The following USP45 variants were observed in gnomAD, a reference collection of about 807,000 sequenced individuals.
The protein encoded by USP45 is ubiquitin carboxyl-terminal hydrolase 45.
In USP45, 89 loss-of-function variants were observed where a neutral mutation model predicts 95.8. The ratio of observed to expected loss-of-function variants is 0.93; its 90% CI spans 0.78 to 1.11. The LOEUF (loss-of-function observed/expected upper bound fraction) is 1.11, where lower values mean the gene tolerates loss of function less well. Among genes scored for constraint, USP45 ranks in the 50% least tolerant of loss-of-function variants. The probability of loss-of-function intolerance (pLI) is 0.00; values close to 1 mark genes in which losing one functional copy is unlikely to be tolerated. For synonymous variants in USP45, 281 were observed against 316.2 expected (o/e 0.89, Z 1.18); for missense variants, 898 against 942.5 (o/e 0.95, Z 0.62).
intron 13 of USP45, among the ~76,000 whole-genome samples, chr6:99,452,218 G>T (rs1478387843): frequency 6.6e-6 from 1 of 152,146 alleles, no homozygotes; most frequent in Non-Finnish European, 1.5e-5. Flanking sequence ...CACATGAAAA[G>T]AAACTACCAT....
In USP45 at chr6:99,510,243, A is replaced by C; in HGVS notation, c.-10-13T>G. 6.3e-7 allele frequency: 1 copy of C among 1,581,714 alleles called. No homozygotes were observed. Among genetic ancestry groups the C allele is most frequent in the Non-Finnish European group, 8.6e-7 (1 of 1,160,828 alleles). ...CATCTGTTATTTACTGAAGGGATTGAGGGAAAAAAATTCATACATTTTAGT... is the reference window on the plus strand; with the variant it reads ...CATCTGTTATTTACTGAAGGGATTGCGGGAAAAAAATTCATACATTTTAGT... On this transcript the variant is annotated splice_polypyrimidine_tract_variant and intron_variant, in intron 1 of 17. Coordinates refer to ENST00000500704, the MANE Select transcript of USP45 (RefSeq NM_001346022.3).
At chr6:99,502,290 A>C (rs138308525) in intron 5 of USP45, among the ~76,000 whole-genome samples, 1 of 152,316 alleles carries the variant, frequency 6.6e-6, no homozygotes, top group Non-Finnish European at 1.5e-5. Context: ...TGCCCTATGC[A>C]TCTCTTCCTT....
chr6:99,454,822 C>T (rs1187397223), intron 13 of USP45, among the ~76,000 whole-genome samples: 1 of 152,132 alleles, frequency 6.6e-6, no homozygotes, highest in African/African-American at 2.4e-5. Context: ...GGTGCAGTGG[C>T]TTATGCCTGT....
At position 99,435,859 on chromosome 6, in the gene USP45, A is replaced by C. The variant is rs946979224; in HGVS notation, c.2315-13T>G. The C allele has an allele frequency of 3.7e-6, 6 of 1,600,944 alleles. No homozygotes were observed. Among genetic ancestry groups the C allele is most frequent in the Non-Finnish European group, 4.3e-6 (5 of 1,175,082 alleles). The stretch of plus-strand genomic sequence containing the variant: ...GCCGCTTTCAAACCTAGCAAAACAA[A>C]AAGAAGTACAATTTTAAAGTAAGTA... On this transcript the variant is annotated splice_polypyrimidine_tract_variant and intron_variant, in intron 17 of 17. Coordinates refer to ENST00000500704, the MANE Select transcript of USP45 (RefSeq NM_001346022.3).
chr6:99,466,616 T>C, intron 11 of USP45, 56 bp downstream of exon 11: 2 of 1,387,246 alleles, frequency 1.4e-6, no homozygotes, highest in South Asian at 2.4e-5. Flanking sequence ...GAAAATATAA[T>C]AAAAATGATG....
At chr6:99,458,333 C>T (rs923686265) in intron 13 of USP45, among the ~76,000 whole-genome samples, 19 of 152,034 alleles carry the variant, frequency 1.2e-4, no homozygotes, top group African/African-American at 4.3e-4. Flanking sequence ...TCAGCTATTA[C>T]GATTGGCAGC....
intron 13 of USP45, chr6:99,460,816 A>T: frequency 5.1e-6 from 5 of 984,292 alleles, no homozygotes; most frequent in Non-Finnish European, 6.0e-6. Flanking sequence ...CCATAATAAC[A>T]CCTTTTATAA....
At chr6:99,488,442 A>G in intron 6 of USP45, 147 bp from the exon 7 acceptor site, 2 of 686,966 alleles carry the variant, frequency 2.9e-6, no homozygotes, top group Middle Eastern at 4.0e-4. Flanking sequence ...TACATTTAGT[A>G]AAGGTCACTA....
rs771785941 is a variant in USP45 at position 99,464,709 on chromosome 6, A to G, written c.1203T>C (p.Tyr401=). ...KPLLWGRMNK[Y]RSLRETDHDR... Reference sequence around the variant, plus strand: ...CATGATCTGTCTCCCGTAAACTTCTATATTTATTCATTCTTCCCCAAAGTA... The same window carrying G: ...CATGATCTGTCTCCCGTAAACTTCTGTATTTATTCATTCTTCCCCAAAGTA... The change falls in exon 13 of 18, where the codon TAT becomes TAC. Residue 401 remains tyrosine (Y), a synonymous_variant. Transcript: ENST00000500704. 1.9e-6 allele frequency: 3 copies of G among 1,610,940 alleles called. No individual in the cohort carries two copies. Among genetic ancestry groups the G allele is most frequent in the Admixed American group, 1.7e-5 (1 of 59,800 alleles).
upstream of USP45, among the ~76,000 whole-genome samples, chr6:99,515,770 C>CT (rs56926251): frequency 0.45 from 39,869 of 87,666 alleles, 10,995 homozygotes; most frequent in East Asian, 0.74. Flanking sequence ...CCTCTGAACT[C>CT]TTTTTTTTTT....
intron 8 of USP45, among the ~76,000 whole-genome samples, chr6:99,477,467 C>T (rs914312430): frequency 3.9e-5 from 6 of 152,058 alleles, no homozygotes; most frequent in Non-Finnish European, 5.9e-5. Context: ...CACCTGCCAT[C>T]GTGCCCGGCT....
At chr6:99,439,355 A>G (rs1000308506) in intron 16 of USP45, among the ~76,000 whole-genome samples, 1 of 152,262 alleles carries the variant, frequency 6.6e-6, no homozygotes, top group African/African-American at 2.4e-5. Flanking sequence ...CACTCTCAGT[A>G]GTACACATGA....
At chr6:99,456,163 C>A (rs2128594393) in intron 13 of USP45, among the ~76,000 whole-genome samples, 1 of 138,452 alleles carries the variant, frequency 7.2e-6, no homozygotes, top group African/African-American at 2.6e-5. Flanking sequence ...AAAAAGATCT[C>A]ATGAAAGTAG....
At chr6:99,453,904 G>A (rs1784451610) in intron 13 of USP45, among the ~76,000 whole-genome samples, 1 of 152,134 alleles carries the variant, frequency 6.6e-6, no homozygotes, top group South Asian at 2.1e-4. Flanking sequence ...AGACTGCAGT[G>A]AGCTGACATT....
In USP45 at chr6:99,476,280, G is replaced by A. The variant is rs1790839914; in HGVS notation, c.846-50C>T. ...AAGAAAAAAAGAATAATCATTCCAT[G>A]GTTCATCAACACTCTTCTCTAAATG... On this transcript the variant is annotated intron_variant, in intron 8 of 17. Coordinates refer to ENST00000500704, the MANE Select transcript of USP45 (RefSeq NM_001346022.3). The A allele has an allele frequency of 1.9e-6, 3 of 1,542,100 alleles. No individual in the cohort carries two copies. In the African/African-American group the frequency reaches 4.1e-5, roughly 21 times the overall value.
chr6:99,508,280 T>C (rs998020962), intron 3 of USP45, among the ~76,000 whole-genome samples: 2 of 152,128 alleles, frequency 1.3e-5, no homozygotes. Flanking sequence ...AGCAGAATAA[T>C]CTGTTTTGAG....
rs1779888537 is a variant in USP45, at chr6:99,432,667, CAA to C, written c.*3047_*3048del. On this transcript the variant is annotated 3_prime_UTR_variant, in exon 18 of 18. Coordinates refer to ENST00000500704, the MANE Select transcript of USP45 (RefSeq NM_001346022.3). ...AATATCTAGAAATAATCTTTTTTAA[CAA>C]TGCACTAGATACTATCTAAAGGCTC... 2 of 152,322 alleles carry C rather than the reference CAA, an allele frequency of 1.3e-5. No homozygotes were observed. The highest frequency in any genetic ancestry group is 6.5e-5 in the Admixed American group (1 of 15,274). 9.4% of individuals were successfully genotyped at this position (152,322 alleles called of 1,614,324 possible). A position where few individuals can be genotyped will look rare whatever the true frequency, so the allele number is the denominator to read the frequency against.
intron 13 of USP45, among the ~76,000 whole-genome samples, chr6:99,451,195 A>G (rs1783764531): frequency 6.6e-6 from 1 of 152,220 alleles, no homozygotes; most frequent in South Asian, 2.1e-4. Flanking sequence ...GCAATCAGGC[A>G]GGAGAAATAA....
chr6:99,493,994 ATAAG>A (rs1339699394), intron 5 of USP45, among the ~76,000 whole-genome samples: 4 of 152,244 alleles, frequency 2.6e-5, no homozygotes, highest in Non-Finnish European at 5.9e-5. Flanking sequence ...TAAGTATGAT[ATAAG>A]TAAGAGGACA....
Sources: allele counts gnomAD v4.1 joint callset (sites outside exome capture counted in the v4.1 genomes callset), GRCh38; gene constraint gnomAD v4.1.1; transcripts MANE v1.5; gene names NCBI Gene and HGNC (gene_info 2026-07-23, HGNC 2026-07-21).